PCDHGB2: variants seen among roughly 807,000 people sequenced by gnomAD.
The protein encoded by PCDHGB2 is protocadherin gamma-B2.
In PCDHGB2, 55 loss-of-function variants were observed where a neutral mutation model predicts 59.3. The ratio of observed to expected loss-of-function variants is 0.93; its 90% CI spans 0.75 to 1.16. The LOEUF (loss-of-function observed/expected upper bound fraction) is 1.16, where lower values mean the gene tolerates loss of function less well. Among genes scored for constraint, PCDHGB2 ranks in the 50% most tolerant of loss-of-function variants. The pLI, the probability that PCDHGB2 is intolerant of heterozygous loss-of-function variation, is 0.00. For synonymous variants in PCDHGB2, 516 were observed against 512.0 expected (o/e 1.01, Z -0.11); for missense variants, 1,228 against 1,198.5 (o/e 1.02, Z -0.36).
At chr5:141,481,346 C>T (rs2099536003) in intron 1 of PCDHGB2, among the ~76,000 whole-genome samples, 1 of 152,248 alleles carries the variant, frequency 6.6e-6, no homozygotes, top group Non-Finnish European at 1.5e-5. Context: ...ATTATTTAAA[C>T]ATCTACAGCT....
intron 1 of PCDHGB2, among the ~76,000 whole-genome samples, chr5:141,438,635 TAC>T (rs56854727): frequency 0.14 from 4,591 of 32,686 alleles, 460 homozygotes; most frequent in Middle Eastern, 0.21. Flanking sequence ...TATATATATA[TAC>T]ACACACACAC....
intron 3 of PCDHGB2, among the ~76,000 whole-genome samples, chr5:141,510,538 G>A (rs1423013528): frequency 1.3e-5 from 2 of 152,216 alleles, no homozygotes; most frequent in East Asian, 1.9e-4. Context: ...AAATACCAGC[G>A]AATGTGTTTT....
chr5:141,364,351 C>T (rs1194197136), intron 1 of PCDHGB2: 12 of 1,550,222 alleles, frequency 7.7e-6, no homozygotes, highest in Non-Finnish European at 9.6e-6. Context: ...CACCTAGGGG[C>T]TGGGGCTGCG....
At chr5:141,408,458 G>A (rs760881860) in intron 1 of PCDHGB2, 1 of 1,614,066 alleles carries the variant, frequency 6.2e-7, no homozygotes, top group Admixed American at 1.7e-5. Context: ...GGACTTACTT[G>A]TGAAGAACCG....
rs2093099818 is a variant in PCDHGB2 at position 141,394,799 on chromosome 5, A to T, written c.2421+32243A>T. On this transcript the variant is annotated intron_variant, in intron 1 of 3. Transcript: ENST00000522605. The stretch of plus-strand genomic sequence containing the variant: ...TCTCCGCCACTGTCACGCTCACCGT[A>T]GCCGTGGCTGACAGCATCCCCGAAG... 3 of 1,613,690 alleles carry T rather than the reference A, an allele frequency of 1.9e-6. No individual in the cohort carries two copies. The Admixed American group carries it at 5.0e-5, about 27-fold the overall frequency.
At position 141,489,870 on chromosome 5, in the gene PCDHGB2, G is replaced by T; in HGVS notation, c.2422-4937G>T. On this transcript the variant is annotated intron_variant, in intron 1 of 3. Transcript: ENST00000522605. The surrounding 1 kb of genome is among the most constrained non-coding windows in gnomAD (Gnocchi z 4.5). ...GTGAAGCCCAGGCAAGACATCAGCT[G>T]GTGCTTACTGCTGTGGATGGGGGGA... 1.2e-6 allele frequency: 2 copies of T among 1,614,220 alleles called. No individual in the cohort carries two copies. The highest frequency in any genetic ancestry group is 1.7e-6 in the Non-Finnish European group (2 of 1,180,024).
rs562057533 is a variant in PCDHGB2, at chr5:141,365,545, A to T, written c.2421+2989A>T. 16 of 1,613,796 alleles carry T rather than the reference A, an allele frequency of 9.9e-6. No homozygotes were observed. In the South Asian group the frequency reaches 1.4e-4, roughly 14 times the overall value. ...CAGTTGATAATTACTATCACCTATT[A>T]ACAACTAGGGACCTGGACAGAGAAG... On this transcript the variant is annotated intron_variant, in intron 1 of 3. Coordinates refer to ENST00000522605, the MANE Select transcript of PCDHGB2 (RefSeq NM_018923.3).
intron 1 of PCDHGB2, among the ~76,000 whole-genome samples, chr5:141,494,070 C>T (rs933213518): frequency 3.9e-5 from 6 of 152,174 alleles, no homozygotes; most frequent in African/African-American, 1.4e-4. Context: ...AGCTGGATCC[C>T]TCCCCGCTGC....
rs769671283 is a variant in PCDHGB2, at chr5:141,511,391, C to T, written c.*218C>T. On this transcript the variant is annotated 3_prime_UTR_variant, in exon 4 of 4. Transcript: ENST00000522605. Reference sequence around the variant, plus strand: ...TGCAAAAGCAGTTCCGCTGGGAACCCCCATCCAATCAACTGCTGTACCCAT... The same window carrying T: ...TGCAAAAGCAGTTCCGCTGGGAACCTCCATCCAATCAACTGCTGTACCCAT... The T allele has an allele frequency of 6.4e-5, 69 of 1,079,630 alleles. No individual in the cohort carries two copies. The highest frequency in any genetic ancestry group is 1.5e-4 in the Admixed American group (5 of 34,354). 66.9% of individuals were successfully genotyped at this position (1,079,630 alleles called of 1,614,324 possible). A position where few individuals can be genotyped will look rare whatever the true frequency, so the allele number is the denominator to read the frequency against.
rs766164142 is a variant in PCDHGB2, at chr5:141,477,910, G to T, written c.2422-16897G>T. ...TGTCACGGGTGGTAGGCTGGGACGC[G>T]GATGCAGGGCACAATGCCTGGCTCT... On this transcript the variant is annotated intron_variant, in intron 1 of 3. Transcript: ENST00000522605. This position sits in a 1 kb window ranked among gnomAD's most constrained non-coding sequence, Gnocchi z 4.9. The T allele has an allele frequency of 6.2e-7, 1 of 1,614,048 alleles. No individual in the cohort carries two copies. Among genetic ancestry groups the T allele is most frequent in the African/African-American group, 1.3e-5 (1 of 74,932 alleles).
chr5:141,413,190 G>A (rs965319802), intron 1 of PCDHGB2: 11 of 1,607,556 alleles, frequency 6.8e-6, no homozygotes, highest in East Asian at 2.2e-5. Flanking sequence ...CCGCTCAAAG[G>A]AATCGCTCAA....
At chr5:141,502,781 C>G (rs1360359268) in intron 2 of PCDHGB2, among the ~76,000 whole-genome samples, 2 of 151,658 alleles carry the variant, frequency 1.3e-5, no homozygotes, top group Non-Finnish European at 2.9e-5. Flanking sequence ...TGAAAATTAC[C>G]TGGATGATTT....
chr5:141,370,306 C>T (rs1766802284), intron 1 of PCDHGB2: 1 of 1,215,888 alleles, frequency 8.2e-7, no homozygotes, highest in Non-Finnish European at 1.1e-6. Context: ...AAAGACAAAG[C>T]AAATAGTTGG....
At chr5:141,389,088 T>G (rs774714581) in intron 1 of PCDHGB2, 2 of 1,613,894 alleles carry the variant, frequency 1.2e-6, no homozygotes, top group Non-Finnish European at 1.7e-6. Context: ...CACGTATAAA[T>G]TAGTGACAGA....
intron 1 of PCDHGB2, among the ~76,000 whole-genome samples, chr5:141,469,172 A>C (rs1310781965): frequency 6.6e-6 from 1 of 152,050 alleles, no homozygotes; most frequent in Admixed American, 6.6e-5. Context: ...GCTACTTGGG[A>C]GGCTGAGGCA....
In PCDHGB2 at chr5:141,376,747, C is replaced by A. The variant is rs532627412; in HGVS notation, c.2421+14191C>A. 2,536 of 471,218 alleles carry A rather than the reference C, an allele frequency of 5.4e-3. 48 individuals carry two copies. The highest frequency in any genetic ancestry group is 0.052 in the African/African-American group (2,354 of 45,460). The allele number at this position is 471,218 out of a possible 1,614,324, so 29.2% of individuals were successfully genotyped here. ...CAGGCCGGACTGCGGACTGCAGTGG[C>A]GCAATCTCGGCTCACTGCAAGCTCC... On this transcript the variant is annotated intron_variant, in intron 1 of 3. Transcript: ENST00000522605.
At chr5:141,510,062 G>GA (rs1448334820) in intron 3 of PCDHGB2, among the ~76,000 whole-genome samples, 1 of 152,150 alleles carries the variant, frequency 6.6e-6, no homozygotes. Flanking sequence ...TTGTGCATGT[G>GA]AAGCATCCAG....
At chr5:141,362,873 A>G (rs1482910489) in intron 1 of PCDHGB2, among the ~76,000 whole-genome samples, 3 of 152,176 alleles carry the variant, frequency 2.0e-5, no homozygotes, top group Non-Finnish European at 4.4e-5. Context: ...GCTCTTTGTT[A>G]TTCAAATTTT....
intron 1 of PCDHGB2, chr5:141,391,639 A>G (rs1166696968): frequency 6.6e-6 from 1 of 152,354 alleles, no homozygotes; most frequent in East Asian, 1.9e-4. Context: ...TAGTCAGTGA[A>G]AAAACTATCA....
Sources: allele counts gnomAD v4.1 joint callset (sites outside exome capture counted in the v4.1 genomes callset), GRCh38; gene constraint gnomAD v4.1.1; non-coding constraint Gnocchi (gnomAD v3.1); transcripts MANE v1.5; gene names NCBI Gene and HGNC (gene_info 2026-07-23, HGNC 2026-07-21).